COG1: variants seen among roughly 807,000 people sequenced by gnomAD.
The protein encoded by COG1 is conserved oligomeric Golgi complex subunit 1.
A neutral mutation model predicts 102.2 loss-of-function variants in COG1; 61 were observed. That is an observed-to-expected ratio of 0.60 (90% CI 0.49 to 0.74). The LOEUF (loss-of-function observed/expected upper bound fraction) is 0.74, where lower values mean the gene tolerates loss of function less well. Ranked by LOEUF, COG1 falls within the 30% of genes least tolerant of loss-of-function variation. COG1 has a pLI of 0.00. For synonymous variants in COG1, 454 were observed against 493.6 expected (o/e 0.92, Z 1.06); for missense variants, 1,164 against 1,232.1 (o/e 0.94, Z 0.83).
At chr17:73,202,617 C>T (rs1164722854) in intron 7 of COG1, among the ~76,000 whole-genome samples, 4 of 152,068 alleles carry the variant, frequency 2.6e-5, no homozygotes, top group African/African-American at 7.2e-5. Context: ...ATGAAACCCC[C>T]TATCTACAAA....
Position 73,203,030 on chromosome 17 carries a change from C to T in COG1, c.2104C>T (p.Leu702Phe), listed in dbSNP as rs2061353443. ...GATTCATGGATTCACCCAGTCATTACTTCTAGATGATGCTGGCTCAGTTCT... is the reference window on the plus strand; with the variant it reads ...GATTCATGGATTCACCCAGTCATTATTTCTAGATGATGCTGGCTCAGTTCT... ...VLIHGFTQSL[L>F]LDDAGSVLAT... Residue 702 changes from leucine to phenylalanine, a missense_variant, in exon 8 of 14, where the codon CTT (leucine) becomes TTT (phenylalanine). Coordinates refer to ENST00000299886, the MANE Select transcript of COG1 (RefSeq NM_018714.3). The T allele has an allele frequency of 6.2e-7, 1 of 1,614,016 alleles. No individual in the cohort carries two copies. The highest frequency in any genetic ancestry group is 1.3e-5 in the African/African-American group (1 of 74,912).
Position 73,201,093 on chromosome 17 carries a change from T to C in COG1, c.1282-16T>C. On this transcript the variant is annotated splice_polypyrimidine_tract_variant and intron_variant, in intron 6 of 13. Coordinates refer to ENST00000299886, the MANE Select transcript of COG1 (RefSeq NM_018714.3). ...AAAGGAACTGTGATTAGAACTCTTC[T>C]CTCATTCTCTTTTAGACTCTGACAA... 6.2e-7 allele frequency: 1 copy of C among 1,611,042 alleles called. No homozygotes were observed. Among genetic ancestry groups the C allele is most frequent in the Non-Finnish European group, 8.5e-7 (1 of 1,177,510 alleles).
intron 1 of COG1, among the ~76,000 whole-genome samples, chr17:73,194,773 G>A (rs1202578556): frequency 1.3e-5 from 2 of 152,200 alleles, no homozygotes; most frequent in Admixed American, 6.5e-5. Flanking sequence ...GCCCCTTAAA[G>A]AATATAGACC....
chr17:73,201,893 T>A lies in COG1; in HGVS notation c.2066T>A (p.Val689Asp). 1.2e-6 allele frequency: 2 copies of A among 1,614,056 alleles called. No individual in the cohort carries two copies. The highest frequency in any genetic ancestry group is 1.7e-6 in the Non-Finnish European group (2 of 1,179,952). Residue 689 changes from valine to aspartate, a missense_variant, in exon 7 of 14, where the codon GTT (valine) becomes GAT (aspartate). Coordinates refer to ENST00000299886, the MANE Select transcript of COG1 (RefSeq NM_018714.3). ...VMGYQVWSSA[V>D]VKVLIHGFTQ... is the part of the protein sequence containing the mutation. ...GGCTACCAGGTCTGGAGCAGTGCAG[T>A]TGTGAAAGTGAGTGATGTAATTTCT...
At chr17:73,205,743 C>T (rs1231928052) in intron 10 of COG1, 63 bp downstream of exon 10, 4 of 1,603,624 alleles carry the variant, frequency 2.5e-6, no homozygotes, top group Non-Finnish European at 3.4e-6. Context: ...AGTCCCTTTG[C>T]TGGGAAGCCA....
At chr17:73,195,789 T>C (rs1387823474) in intron 1 of COG1, among the ~76,000 whole-genome samples, 1 of 152,206 alleles carries the variant, frequency 6.6e-6, no homozygotes, top group Non-Finnish European at 1.5e-5. Context: ...GACACGCACC[T>C]GCGATCCCAG....
chr17:73,200,429 A>G (rs1035851447), intron 5 of COG1, 137 bp from the exon 6 acceptor site: 8 of 901,400 alleles, frequency 8.9e-6, no homozygotes, highest in South Asian at 1.3e-5. Flanking sequence ...CTACAGGTCT[A>G]TCAACACTGA....
At chr17:73,194,152 A>ATTT (rs1257232460) in intron 1 of COG1, among the ~76,000 whole-genome samples, 1 of 147,350 alleles carries the variant, frequency 6.8e-6, no homozygotes, top group Non-Finnish European at 1.5e-5. Context: ...TTCCTAAAGA[A>ATTT]TTTTTATTGG....
intron 13 of COG1, 62 bp from the exon 14 acceptor site, chr17:73,208,252 G>C (rs2061392843): frequency 3.7e-6 from 6 of 1,610,140 alleles, no homozygotes; most frequent in Non-Finnish European, 5.1e-6. Context: ...GTCGCGCGGA[G>C]GGCGAGTGGG....
chr17:73,200,798 TCTAC>T, intron 6 of COG1, 22 bp downstream of exon 6: 3 of 1,603,138 alleles, frequency 1.9e-6, no homozygotes, highest in East Asian at 2.2e-5. Flanking sequence ...AGTCACATGG[TCTAC>T]CTGTTTTATG....
At chr17:73,208,195 C>T (rs2061391259) in intron 13 of COG1, 119 bp from the exon 14 acceptor site, 15 of 1,577,914 alleles carry the variant, frequency 9.5e-6, no homozygotes, top group South Asian at 6.8e-5. Context: ...CTAGAGCCAT[C>T]GTGCTTCTCA....
In COG1 at chr17:73,196,557, G is replaced by T. The variant is rs1203450631; in HGVS notation, c.366G>T (p.Lys122Asn). ...EKFYSMAAQI[K>N]LLLEIPEKIW... ...TCTACAGCATGGCTGCCCAGATCAA[G>T]CTACTCTTAGAAATTCCGGAGAAGA... is the stretch of plus-strand genomic sequence containing the variant. Residue 122 changes from lysine (K) to asparagine (N), a missense_variant, in exon 2 of 14, where the codon AAG becomes AAT. Physicochemically the swap from Lys to Asn is moderately conservative, Grantham distance 94. Coordinates refer to ENST00000299886, the MANE Select transcript of COG1 (RefSeq NM_018714.3). The T allele has an allele frequency of 1.2e-6, 2 of 1,614,234 alleles. No individual in the cohort carries two copies. Among genetic ancestry groups the T allele is most frequent in the South Asian group, 2.2e-5 (2 of 91,084 alleles).
chr17:73,201,010 G>A (rs2061344669), intron 6 of COG1, 99 bp from the exon 7 acceptor site: 2 of 1,172,368 alleles, frequency 1.7e-6, no homozygotes, highest in African/African-American at 1.5e-5. Flanking sequence ...TGAAGATGGT[G>A]AACCTTCTGA....
intron 11 of COG1, 137 bp downstream of exon 11, chr17:73,206,399 A>G (rs1423607305): frequency 1.4e-5 from 11 of 776,160 alleles, no homozygotes; most frequent in African/African-American, 1.7e-5. Context: ...GAGTGTAGTT[A>G]TAAGGACTGA....
chr17:73,201,089 C>G lies in COG1; in HGVS notation c.1282-20C>G. On this transcript the variant is annotated intron_variant, in intron 6 of 13. Transcript: ENST00000299886. The stretch of plus-strand genomic sequence containing the variant: ...CCTTAAAGGAACTGTGATTAGAACT[C>G]TTCTCTCATTCTCTTTTAGACTCTG... 1 of 1,608,840 alleles carries G rather than the reference C, an allele frequency of 6.2e-7. No individual in the cohort carries two copies. The highest frequency in any genetic ancestry group is 8.5e-7 in the Non-Finnish European group (1 of 1,175,584).
chr17:73,205,652 A>G lies in COG1; in HGVS notation c.2482A>G (p.Lys828Glu), dbSNP rs1011259443. The change falls in exon 10 of 14, where the codon AAG (lysine) becomes GAG (glutamate). Residue 828 changes from lysine to glutamate, a missense_variant. Physicochemically the swap from Lys to Glu is moderately conservative, Grantham distance 56. Coordinates refer to ENST00000299886, the MANE Select transcript of COG1 (RefSeq NM_018714.3). ...IVLTAKGDEV[K>E]SGRSKPDSRI... ...TCTGACAGCCAAGGGTGACGAGGTG[A>G]AGAGTGGCCGGAGCAAGCCAGACTC... 30 of 1,613,810 alleles carry G rather than the reference A, an allele frequency of 1.9e-5. No homozygotes were observed. In the Admixed American group the frequency reaches 3.5e-4, roughly 19 times the overall value.
At chr17:73,198,155 G>GC (rs2061332790) in intron 4 of COG1, among the ~76,000 whole-genome samples, 1 of 150,328 alleles carries the variant, frequency 6.7e-6, no homozygotes, top group Non-Finnish European at 1.5e-5. Flanking sequence ...TGGGAGCTTG[G>GC]GTTACGAAGG....
At chr17:73,207,822 T>C in intron 13 of COG1, 1 of 1,281,790 alleles carries the variant, frequency 7.8e-7, no homozygotes, top group South Asian at 1.3e-5. Context: ...GTTTGCTTTA[T>C]TGTTAGACAC....
Position 73,203,688 on chromosome 17 carries a change from T to A in COG1, c.2277T>A (p.Val759=). ...LFSLCQEINR[V]GGHALPKVTL... is the part of the protein sequence containing the mutation. ...GTTTATGCCAGGAAATTAATCGGGTTGGAGGCCATGCCTTGCCAAAGGTGA... is the reference window on the plus strand; with the variant it reads ...GTTTATGCCAGGAAATTAATCGGGTAGGAGGCCATGCCTTGCCAAAGGTGA... Residue 759 remains valine, a synonymous_variant, in exon 9 of 14, where the codon GTT becomes GTA. Transcript: ENST00000299886. 6.2e-7 allele frequency: 1 copy of A among 1,614,226 alleles called. No homozygotes were observed.
Sources: gnomAD v4.1 joint callset for allele counts (sites outside exome capture counted in the v4.1 genomes callset) on GRCh38, gnomAD v4.1.1 for gene constraint, MANE v1.5 for transcripts, NCBI Gene and HGNC (gene_info 2026-07-23, HGNC 2026-07-21) for gene names.